TTC8: variants seen among roughly 807,000 people sequenced by gnomAD.
The protein encoded by TTC8 is tetratricopeptide repeat domain 8, also known as tetratricopeptide repeat protein 8.
Under a neutral mutation model 72.5 loss-of-function variants are expected in TTC8, and 47 were observed. That is an observed-to-expected ratio of 0.65 (90% CI 0.51 to 0.83). TTC8 has a LOEUF of 0.83. Among genes scored for constraint, TTC8 ranks in the 40% least tolerant of loss-of-function variants. TTC8 has a pLI of 0.00. For synonymous variants in TTC8, 199 were observed against 221.4 expected (o/e 0.90, Z 0.90); for missense variants, 611 against 623.2 (o/e 0.98, Z 0.21).
chr14:88,874,977 T>C (rs2094950766), intron 13 of TTC8, 49 bp from the exon 14 acceptor site: 1 of 1,428,578 alleles, frequency 7.0e-7, no homozygotes, highest in East Asian at 2.3e-5. Context: ...ATGGTGCTGA[T>C]ATATGTTCAT....
intron 10 of TTC8, among the ~76,000 whole-genome samples, chr14:88,862,473 A>AATG (rs949807324): frequency 7.1e-6 from 1 of 139,980 alleles, no homozygotes; most frequent in African/African-American, 2.7e-5. Context: ...AAAGCCCCAA[A>AATG]ATGTATCTTC....
At chr14:88,839,664 C>T (rs935468543) in intron 3 of TTC8, 92 bp downstream of exon 3, 12 of 1,362,882 alleles carry the variant, frequency 8.8e-6, no homozygotes, top group East Asian at 2.5e-5. Flanking sequence ...TATATTTCTA[C>T]ACTTTATATA....
chr14:88,834,546 G>A (rs1245571589), intron 2 of TTC8, among the ~76,000 whole-genome samples: 2 of 152,142 alleles, frequency 1.3e-5, no homozygotes, highest in Non-Finnish European at 2.9e-5. Flanking sequence ...AGAATAAAAA[G>A]CAATTTACAA....
intron 7 of TTC8, among the ~76,000 whole-genome samples, chr14:88,844,384 G>A (rs2094796174): frequency 6.6e-6 from 1 of 152,154 alleles, no homozygotes; most frequent in East Asian, 1.9e-4. Flanking sequence ...ATATGCAAAT[G>A]AGCAATAATG....
At chr14:88,847,920 C>T (rs1184547372) in intron 7 of TTC8, among the ~76,000 whole-genome samples, 2 of 151,722 alleles carry the variant, frequency 1.3e-5, no homozygotes, top group Admixed American at 6.6e-5. Context: ...GTCAGGAGTT[C>T]GAGACAAGCC....
At chr14:88,879,654 T>C (rs1467825391), downstream of TTC8, 9 of 4,810 alleles carry the variant, frequency 1.9e-3, no homozygotes, top group South Asian at 6.5e-3. Flanking sequence ...GTCACTACAT[T>C]ATTATTATTA....
Position 88,841,033 on chromosome 14 carries a change from A to G in TTC8, c.330-4A>G. ...TGTATTATAACAATTTATAATCTTC[A>G]CAGGCCAATCACACAAGCTGGAAGA... On this transcript the variant is annotated splice_region_variant and splice_polypyrimidine_tract_variant and intron_variant, in intron 4 of 14. Coordinates refer to ENST00000380656, the MANE Select transcript of TTC8 (RefSeq NM_144596.4). The G allele has an allele frequency of 6.2e-7, 1 of 1,614,062 alleles. No individual in the cohort carries two copies. The highest frequency in any genetic ancestry group is 8.5e-7 in the Non-Finnish European group (1 of 1,179,998).
chr14:88,863,094 G>A (rs906830440), intron 10 of TTC8, among the ~76,000 whole-genome samples: 2 of 151,778 alleles, frequency 1.3e-5, no homozygotes, highest in African/African-American at 2.4e-5. Context: ...TGGGTGGGCC[G>A]CCTGTCTTCC....
At chr14:88,828,326 A>G (rs1356656161) in intron 1 of TTC8, among the ~76,000 whole-genome samples, 1 of 152,244 alleles carries the variant, frequency 6.6e-6, no homozygotes, top group Non-Finnish European at 1.5e-5. Flanking sequence ...TTCACAATCT[A>G]TGAAAAGCTA....
At chr14:88,865,447 T>C (rs1595979444) in intron 10 of TTC8, among the ~76,000 whole-genome samples, 1 of 152,230 alleles carries the variant, frequency 6.6e-6, no homozygotes, top group South Asian at 2.1e-4. Context: ...GGTGGGCAGA[T>C]CACCTGAGGT....
rs1013107515 is a variant in TTC8, at chr14:88,864,955, A to G, written c.909+3623A>G. Among the ~76,000 whole-genome samples, 3 of 152,012 alleles carry G rather than the reference A, an allele frequency of 2.0e-5. No individual in the cohort carries two copies. In the East Asian group the frequency reaches 5.8e-4, roughly 29 times the overall value. On this transcript the variant is annotated intron_variant, in intron 10 of 14. Transcript: ENST00000380656. ...CTGGCTGGAGGGATTCCATTCCTTT[A>G]TGTTCTCTTCTTTTTTTTATCTTTC...
Position 88,871,999 on chromosome 14 carries a change from C to T in TTC8, c.1224+276C>T, listed in dbSNP as rs1168929975. Among the ~76,000 whole-genome samples, 1 of 152,186 alleles carries T rather than the reference C, an allele frequency of 6.6e-6. No homozygotes were observed. The highest frequency in any genetic ancestry group is 1.5e-5 in the Non-Finnish European group (1 of 68,042). ...CCTAGAAGGTCAAGGCTGCAGTGAG[C>T]TGTGATCGTAGCACTGCACTCCAGC... On this transcript the variant is annotated intron_variant, in intron 12 of 14. Coordinates refer to ENST00000380656, the MANE Select transcript of TTC8 (RefSeq NM_144596.4). This position sits in a 1 kb window ranked among gnomAD's most constrained non-coding sequence, Gnocchi z 4.1.
At chr14:88,839,709 A>T (rs1409407289) in intron 3 of TTC8, 137 bp downstream of exon 3, 1 of 1,037,980 alleles carries the variant, frequency 9.6e-7, no homozygotes, top group African/African-American at 1.6e-5. Flanking sequence ...AAAATGATGA[A>T]AAAACCATTA....
At chr14:88,873,685 G>A (rs1379833900) in intron 13 of TTC8, among the ~76,000 whole-genome samples, 1 of 152,148 alleles carries the variant, frequency 6.6e-6, no homozygotes, top group Non-Finnish European at 1.5e-5. Flanking sequence ...AGCATAGTAT[G>A]GAGCACATGG....
chr14:88,866,653 T>G (rs1326536638), intron 10 of TTC8, among the ~76,000 whole-genome samples: 1 of 152,116 alleles, frequency 6.6e-6, no homozygotes, highest in East Asian at 1.9e-4. Flanking sequence ...TGGAAGAACT[T>G]AATTAACCAT....
At chr14:88,833,107 T>G (rs184141448) in intron 1 of TTC8, among the ~76,000 whole-genome samples, 63 of 152,352 alleles carry the variant, frequency 4.1e-4, no homozygotes, top group Non-Finnish European at 7.5e-4. Context: ...TTTTTCTGTT[T>G]CTTAGTACTT....
intron 10 of TTC8, among the ~76,000 whole-genome samples, chr14:88,866,648 G>T (rs1228911948): frequency 1.3e-5 from 2 of 152,116 alleles, no homozygotes; most frequent in Non-Finnish European, 2.9e-5. Context: ...CTATTTGGAA[G>T]AACTTAATTA....
chr14:88,867,437 A>G (rs1166541182), intron 10 of TTC8, among the ~76,000 whole-genome samples: 1 of 152,212 alleles, frequency 6.6e-6, no homozygotes, highest in East Asian at 1.9e-4. Context: ...ATTAGAATGT[A>G]TAGAATGATT....
intron 12 of TTC8, 76 bp from the exon 13 acceptor site, chr14:88,872,254 A>T: frequency 6.3e-7 from 1 of 1,596,892 alleles, no homozygotes; most frequent in Non-Finnish European, 8.6e-7. Flanking sequence ...CTGGTAGCAG[A>T]AGAGATACCT....
Sources: gnomAD v4.1 joint callset for allele counts (sites outside exome capture counted in the v4.1 genomes callset) on GRCh38, gnomAD v4.1.1 for gene constraint, Gnocchi (gnomAD v3.1) non-coding constraint, MANE v1.5 for transcripts, NCBI Gene and HGNC (gene_info 2026-07-23, HGNC 2026-07-21) for gene names.